Variants in ROBO2 observed in about 807,000 individuals in gnomAD.
ROBO2 encodes roundabout guidance receptor 2, also known as roundabout homolog 2.
A neutral mutation model predicts 160.8 loss-of-function variants in ROBO2; 53 were observed. The ratio of observed to expected loss-of-function variants is 0.33; its 90% CI spans 0.26 to 0.41. The LOEUF (loss-of-function observed/expected upper bound fraction) is 0.41, where lower values mean the gene tolerates loss of function less well. ROBO2 is among the 10% of genes least tolerant of loss of function. The pLI is 1.00. For missense variants in ROBO2, 1,577 were observed against 1,722.4 expected, an observed-to-expected ratio of 0.92 and a Z score of 1.49; for synonymous variants, 664 against 611.7, an observed-to-expected ratio of 1.09 and a Z score of -1.26.
intron 2 of ROBO2, among the ~76,000 whole-genome samples, chr3:76,374,515 CA>C (rs1419764219): frequency 2.0e-5 from 3 of 151,886 alleles, no homozygotes; most frequent in Non-Finnish European, 2.9e-5. Flanking sequence ...GTAAGAATAG[CA>C]GTAGTGGTTC....
intron 5 of ROBO2, among the ~76,000 whole-genome samples, chr3:77,503,560 T>A (rs1038981911): frequency 1.9e-4 from 28 of 149,366 alleles, no homozygotes; most frequent in Admixed American, 4.0e-4. Flanking sequence ...AATAAATAAA[T>A]AAAATAATAA....
chr3:77,089,357 T>C (rs935034963), intron 1 of ROBO2, among the ~76,000 whole-genome samples: 12 of 152,180 alleles, frequency 7.9e-5, no homozygotes, highest in African/African-American at 2.9e-4. Context: ...ATCTTCTGTT[T>C]TCTGCATCTG....
chr3:77,111,389 C>T (rs995787296), intron 2 of ROBO2, among the ~76,000 whole-genome samples: 3 of 151,928 alleles, frequency 2.0e-5, no homozygotes, highest in East Asian at 1.9e-4. Flanking sequence ...AATTAGTTGT[C>T]GAGCTATCTT....
chr3:77,564,860 A>G (rs1216149622), intron 11 of ROBO2, 94 bp from the exon 13 acceptor site: 1 of 1,016,780 alleles, frequency 9.8e-7, no homozygotes, highest in African/African-American at 1.6e-5. Flanking sequence ...GTGTGTGTTT[A>G]ATTTCCAGCC....
intron 2 of ROBO2, among the ~76,000 whole-genome samples, chr3:76,180,175 A>T (rs1008558102): frequency 6.6e-6 from 1 of 152,190 alleles, no homozygotes. Context: ...ATCAGTCACA[A>T]AATACGTTTT....
intron 2 of ROBO2, among the ~76,000 whole-genome samples, chr3:76,500,596 G>T (rs1198186741): frequency 1.3e-5 from 2 of 152,086 alleles, no homozygotes; most frequent in African/African-American, 4.8e-5. Context: ...AAGGAGAAGG[G>T]GGTACCACAT....
At chr3:76,163,425 T>C (rs2106936010) in intron 2 of ROBO2, among the ~76,000 whole-genome samples, 1 of 151,014 alleles carries the variant, frequency 6.6e-6, no homozygotes, top group Admixed American at 6.6e-5. Context: ...GTATTGAAAT[T>C]AATATGATAG....
At chr3:77,596,524 G>T (rs375650326) in intron 18 of ROBO2, 99 bp from the exon 20 acceptor site, 3 of 1,457,738 alleles carry the variant, frequency 2.1e-6, no homozygotes, top group Non-Finnish European at 2.9e-6. Flanking sequence ...TGAAGTCAAT[G>T]AAAATCTTCC....
At chr3:77,277,157 CTTCTTTCTTTCTTTCTTTCTTTCT>C (rs758551962) in intron 2 of ROBO2, among the ~76,000 whole-genome samples, 9 of 88,138 alleles carry the variant, frequency 1.0e-4, no homozygotes, top group African/African-American at 3.5e-4. Context: ...TCCTTCTTTC[CTTCTTTCTTTCTTTCTTTCTTTCT>C]TTCTTTCTTT....
chr3:76,936,406 A>G (rs2077703341), intron 2 of ROBO2, among the ~76,000 whole-genome samples: 1 of 152,152 alleles, frequency 6.6e-6, no homozygotes, highest in Non-Finnish European at 1.5e-5. Flanking sequence ...AAAGATGTTA[A>G]TTCCAAGTGA....
intron 23 of ROBO2, among the ~76,000 whole-genome samples, chr3:77,623,670 G>C (rs1459073881): frequency 6.6e-6 from 1 of 152,174 alleles, no homozygotes; most frequent in Non-Finnish European, 1.5e-5. Context: ...CAGAGCACAA[G>C]TTAAAATCTT....
intron 2 of ROBO2, among the ~76,000 whole-genome samples, chr3:77,013,425 C>A (rs1377757767): frequency 6.6e-6 from 1 of 152,050 alleles, no homozygotes; most frequent in Non-Finnish European, 1.5e-5. Context: ...GCAAACATAA[C>A]TTTGATGTAA....
rs751620089 is a variant in ROBO2, at chr3:76,080,106, C to G, written c.109+142504C>G. 7.6e-4 allele frequency among the ~76,000 whole-genome samples: 115 copies of G among 152,228 alleles called. 1 individual carries two copies. Among genetic ancestry groups the G allele is most frequent in the East Asian group, 1.4e-3 (7 of 5,172 alleles). ...TGTTGAAGGCGAAATTAAATCTAGC[C>G]AAATAGTGACCTAGCTCTCAGCCTA... On this transcript the variant is annotated intron_variant, in intron 2 of 26. Coordinates refer to the ROBO2 transcript ENST00000487694.
At chr3:77,170,359 A>T (rs979795809) in intron 2 of ROBO2, among the ~76,000 whole-genome samples, 2 of 151,862 alleles carry the variant, frequency 1.3e-5, no homozygotes, top group African/African-American at 4.8e-5. Context: ...AGATCTAATT[A>T]TATATATATT....
At chr3:76,482,470 G>A (rs2079265519) in intron 2 of ROBO2, among the ~76,000 whole-genome samples, 1 of 152,030 alleles carries the variant, frequency 6.6e-6, no homozygotes, top group Admixed American at 6.6e-5. Flanking sequence ...ACTATAGAAG[G>A]AAAATTTGTC....
intron 2 of ROBO2, among the ~76,000 whole-genome samples, chr3:77,367,236 G>T (rs368179626): frequency 3.9e-5 from 6 of 152,052 alleles, no homozygotes; most frequent in Non-Finnish European, 8.8e-5. Flanking sequence ...TTAAGCCAGA[G>T]ATATGCACAT....
At chr3:77,181,477 T>A (rs927921720) in intron 2 of ROBO2, among the ~76,000 whole-genome samples, 10 of 152,076 alleles carry the variant, frequency 6.6e-5, no homozygotes, top group African/African-American at 2.4e-4. Flanking sequence ...CTGAAAGAAT[T>A]TTATTTCGGT....
chr3:76,919,243 C>T (rs948180329), intron 2 of ROBO2, among the ~76,000 whole-genome samples: 2 of 152,034 alleles, frequency 1.3e-5, no homozygotes, highest in Non-Finnish European at 2.9e-5. Flanking sequence ...TCACTCCTGG[C>T]AAATGTTTGA....
chr3:77,637,394 A>G (rs945311610), intron 24 of ROBO2, among the ~76,000 whole-genome samples: 1 of 152,180 alleles, frequency 6.6e-6, no homozygotes, highest in Non-Finnish European at 1.5e-5. Flanking sequence ...TAAAAAGCCA[A>G]ATATATTGTT....
Sources: gnomAD v4.1 joint callset for allele counts (sites outside exome capture counted in the v4.1 genomes callset) on GRCh38, gnomAD v4.1.1 for gene constraint, MANE v1.5 for transcripts, NCBI Gene and HGNC (gene_info 2026-07-23, HGNC 2026-07-21) for gene names.